Variants in PHF21A observed in about 807,000 individuals in gnomAD.
The protein encoded by PHF21A is PHD finger protein 21A.
PHF21A carries 11 observed loss-of-function variants against 82.5 expected under a neutral mutation model. The observed-to-expected ratio is 0.13, with a 90% CI of 0.08 to 0.22. The LOEUF (loss-of-function observed/expected upper bound fraction) is 0.22, where lower values mean the gene tolerates loss of function less well. Among genes scored for constraint, PHF21A ranks in the 10% least tolerant of loss-of-function variants. PHF21A has a pLI of 1.00. For synonymous variants in PHF21A, 297 were observed against 302.8 expected (o/e 0.98, Z 0.20); for missense variants, 579 against 837.8 (o/e 0.69, Z 3.81).
At chr11:46,034,034 A>G (rs1230268848) in intron 6 of PHF21A, among the ~76,000 whole-genome samples, 1 of 152,202 alleles carries the variant, frequency 6.6e-6, no homozygotes, top group African/African-American at 2.4e-5. Flanking sequence ...TTGTTGTTGG[A>G]TATTTTAATT....
intron 6 of PHF21A, chr11:46,026,997 T>A (rs140345318): frequency 1.3e-5 from 2 of 152,168 alleles, no homozygotes; most frequent in African/African-American, 2.4e-5. Context: ...GGAAAAGGAA[T>A]CCTTTTCTGA....
chr11:45,964,235 A>ATAATAATAAT (rs1294177098), intron 10 of PHF21A, among the ~76,000 whole-genome samples: 1 of 148,652 alleles, frequency 6.7e-6, no homozygotes, highest in East Asian at 1.9e-4. Context: ...AATAATAATA[A>ATAATAATAAT]TTTATTTCTG....
intron 7 of PHF21A, among the ~76,000 whole-genome samples, chr11:45,974,308 T>C (rs1247267075): frequency 6.6e-6 from 1 of 152,058 alleles, no homozygotes; most frequent in Non-Finnish European, 1.5e-5. Flanking sequence ...AACTCCTGGG[T>C]TTAGATGACA....
rs138029116 is a variant in PHF21A, at chr11:46,098,783, T to C, written c.-236-6560A>G. ...AAAAGAGTTTGAGCTTATTTTGGTG[T>C]ACAGGGATTTAAGGAAGTGCCTCCT... On this transcript the variant is annotated intron_variant, in intron 1 of 18. Coordinates refer to ENST00000676320, the MANE Select transcript of PHF21A (RefSeq NM_001352027.3). Among the ~76,000 whole-genome samples, 127 of 152,300 alleles carry C rather than the reference T, an allele frequency of 8.3e-4. 1 individual carries two copies. Among genetic ancestry groups the C allele is most frequent in the Non-Finnish European group, 1.7e-3 (117 of 68,010 alleles).
At chr11:46,080,408 C>T (rs2096776508) in intron 4 of PHF21A, among the ~76,000 whole-genome samples, 1 of 152,028 alleles carries the variant, frequency 6.6e-6, no homozygotes, top group Non-Finnish European at 1.5e-5. Context: ...ATCCTCCCGC[C>T]TCAGCCTCCC....
intron 6 of PHF21A, among the ~76,000 whole-genome samples, chr11:46,074,693 G>A (rs1307450829): frequency 6.6e-6 from 1 of 152,140 alleles, no homozygotes; most frequent in Non-Finnish European, 1.5e-5. Flanking sequence ...AGTAGAGACG[G>A]GGTTTTGCCA....
intron 9 of PHF21A, among the ~76,000 whole-genome samples, chr11:45,966,768 T>A (rs1409585860): frequency 6.6e-6 from 1 of 152,068 alleles, no homozygotes; most frequent in East Asian, 1.9e-4. Context: ...TACAGGCACA[T>A]GCCAGCACGC....
chr11:45,988,415 T>G (rs1427805672), intron 6 of PHF21A, among the ~76,000 whole-genome samples: 1 of 152,180 alleles, frequency 6.6e-6, no homozygotes, highest in African/African-American at 2.4e-5. Flanking sequence ...TATGATGAAA[T>G]GTAATATTTG....
intron 6 of PHF21A, among the ~76,000 whole-genome samples, chr11:46,065,993 T>C (rs1455214175): frequency 6.6e-6 from 1 of 152,208 alleles, no homozygotes; most frequent in Non-Finnish European, 1.5e-5. Flanking sequence ...TTTTTTTCTT[T>C]AGTGATTTAA....
chr11:46,048,714 G>A (rs969837490), intron 6 of PHF21A, among the ~76,000 whole-genome samples: 2 of 152,044 alleles, frequency 1.3e-5, no homozygotes, highest in African/African-American at 4.8e-5. Context: ...AGGCTGCAGG[G>A]AGTCAAGATG....
At chr11:46,067,014 T>C (rs1397138453) in intron 6 of PHF21A, among the ~76,000 whole-genome samples, 2 of 152,260 alleles carry the variant, frequency 1.3e-5, no homozygotes, top group Non-Finnish European at 2.9e-5. Flanking sequence ...CACCTCATTA[T>C]TTTTTAACAG....
chr11:46,036,387 C>A (rs2096004418), intron 6 of PHF21A, among the ~76,000 whole-genome samples: 1 of 152,208 alleles, frequency 6.6e-6, no homozygotes, highest in African/African-American at 2.4e-5. Context: ...CTCCTTAATT[C>A]TTTTTCAAAG....
chr11:46,088,130 A>G (rs557432768), intron 3 of PHF21A, among the ~76,000 whole-genome samples: 25 of 152,336 alleles, frequency 1.6e-4, no homozygotes, highest in Admixed American at 5.2e-4. Context: ...TATAGCATCA[A>G]AAGAATTATT....
chr11:46,061,330 C>A (rs2139493234), intron 6 of PHF21A, among the ~76,000 whole-genome samples: 1 of 152,200 alleles, frequency 6.6e-6, no homozygotes, highest in African/African-American at 2.4e-5. Flanking sequence ...AAATAGTTTT[C>A]TCTAGTTCTG....
At position 45,965,614 on chromosome 11, in the gene PHF21A, G is replaced by C; in HGVS notation, c.703-6C>G. 1 of 1,520,686 alleles carries C rather than the reference G, an allele frequency of 6.6e-7. No homozygotes were observed. The highest frequency in any genetic ancestry group is 1.8e-4 in the Middle Eastern group (1 of 5,598). The allele number at this position is 1,520,686 out of a possible 1,614,324, so 94.2% of individuals were successfully genotyped here. A position where few individuals can be genotyped will look rare whatever the true frequency, so the allele number is the denominator to read the frequency against. ...GCCACAGGCTTGGGTCGAACCTATA[G>C]GGGAAAGAGAGAATAATTATTGTAT... On this transcript the variant is annotated splice_polypyrimidine_tract_variant and splice_region_variant and intron_variant, in intron 9 of 18. Coordinates refer to ENST00000676320, the MANE Select transcript of PHF21A (RefSeq NM_001352027.3).
intron 6 of PHF21A, among the ~76,000 whole-genome samples, chr11:46,046,407 AAACT>A (rs560967418): frequency 8.9e-4 from 136 of 152,292 alleles, no homozygotes; most frequent in Admixed American, 1.2e-3. Context: ...GAGAAACCAA[AAACT>A]AAAACAAACC....
rs564602894 is a variant in PHF21A, at chr11:46,017,463, G to A, written c.154-37497C>T. 2.6e-5 allele frequency among the ~76,000 whole-genome samples: 4 copies of A among 152,170 alleles called. No homozygotes were observed. The South Asian group carries it at 6.2e-4, about 24-fold the overall frequency. ...GATGTGTTCTTTTCTTGCTTTGGGTGTGTGGACTGATAACACTCTGTCTCC... is the reference window on the plus strand; with the variant it reads ...GATGTGTTCTTTTCTTGCTTTGGGTATGTGGACTGATAACACTCTGTCTCC... On this transcript the variant is annotated intron_variant, in intron 6 of 18. Coordinates refer to ENST00000676320, the MANE Select transcript of PHF21A (RefSeq NM_001352027.3).
At chr11:45,952,754 T>C (rs1358881777) in intron 11 of PHF21A, among the ~76,000 whole-genome samples, 2 of 152,238 alleles carry the variant, frequency 1.3e-5, no homozygotes, top group African/African-American at 4.8e-5. Context: ...CTATTTCACA[T>C]GGTTTCATTA....
chr11:46,059,816 T>C (rs540873239), intron 6 of PHF21A, among the ~76,000 whole-genome samples: 1 of 152,222 alleles, frequency 6.6e-6, no homozygotes, highest in Admixed American at 6.5e-5. Context: ...AACTTCTGCC[T>C]CCCAGATTCA....
Sources: gnomAD v4.1 joint callset for allele counts (sites outside exome capture counted in the v4.1 genomes callset) on GRCh38, gnomAD v4.1.1 for gene constraint, MANE v1.5 for transcripts, NCBI Gene and HGNC (gene_info 2026-07-23, HGNC 2026-07-21) for gene names.